Variants in HDLBP observed in about 807,000 individuals in gnomAD.
HDLBP encodes the protein vigilin.
In HDLBP, 30 loss-of-function variants were observed where a neutral mutation model predicts 137.3. The ratio of observed to expected loss-of-function variants is 0.22; its 90% CI spans 0.16 to 0.30. The LOEUF (loss-of-function observed/expected upper bound fraction) is 0.30. Among genes scored for constraint, HDLBP ranks in the 10% least tolerant of loss-of-function variants. The probability of loss-of-function intolerance (pLI) is 1.00; values close to 1 mark genes in which losing one functional copy is unlikely to be tolerated. For missense variants in HDLBP, 1,119 were observed against 1,667.3 expected (o/e 0.67, Z 5.73); for synonymous variants, 606 against 596.0 (o/e 1.02, Z -0.24).
At position 241,233,983 on chromosome 2, in the gene HDLBP, G is replaced by A. The variant is rs73013896; in HGVS notation, c.3145-20C>T. 10,254 of 1,613,786 alleles carry A rather than the reference G, an allele frequency of 6.4e-3. 36 individuals carry two copies. The highest frequency in any genetic ancestry group is 7.8e-3 in the Non-Finnish European group (9,245 of 1,179,698). On this transcript the variant is annotated intron_variant, in intron 23 of 27. Coordinates refer to ENST00000310931, the MANE Select transcript of HDLBP (RefSeq NM_005336.6). This position sits in a 1 kb window ranked among gnomAD's most constrained non-coding sequence, Gnocchi z 4.3. Reference sequence around the variant, plus strand: ...TAAAGCCTACAAATGAAAGGAGCAAGAATGAGGCAAAGATTGAGCTGATCC... The same window carrying A: ...TAAAGCCTACAAATGAAAGGAGCAAAAATGAGGCAAAGATTGAGCTGATCC...
In HDLBP at chr2:241,235,502, C is replaced by T; in HGVS notation, c.2997G>A (p.Met999Ile). The T allele has an allele frequency of 6.2e-7, 1 of 1,613,648 alleles. No homozygotes were observed. Among genetic ancestry groups the T allele is most frequent in the Non-Finnish European group, 8.5e-7 (1 of 1,179,548 alleles). The change falls in exon 22 of 28, where the codon ATG becomes ATA. Residue 999 changes from methionine (M) to isoleucine (I), a missense_variant. By Grantham distance (10) the Met-to-Ile change is conservative. This residue lies in a region of HDLBP where 618 missense variants were observed against 816.7 expected (regional missense o/e 0.76). Transcript: ENST00000310931. ...GAAAGGGGTCTACCTCAAACTCATC[C>T]ATCATCTTGCGGATCCCACTTCCTT... ...GQKGSGIRKM[M>I]DEFEVNIHVP...
intron 1 of HDLBP, among the ~76,000 whole-genome samples, chr2:241,295,619 GAAA>G (rs200718063): frequency 1.3e-5 from 2 of 152,318 alleles, no homozygotes; most frequent in East Asian, 3.8e-4. Context: ...GTGATAGGCT[GAAA>G]AATGGCCACC....
chr2:241,298,232 G>A (rs1328902199), intron 1 of HDLBP, among the ~76,000 whole-genome samples: 1 of 151,958 alleles, frequency 6.6e-6, no homozygotes, highest in African/African-American at 2.4e-5. Context: ...TGGGCGTGGT[G>A]GCGCGTGCCT....
intron 1 of HDLBP, among the ~76,000 whole-genome samples, chr2:241,291,331 C>A (rs1239589268): frequency 1.3e-5 from 2 of 152,112 alleles, no homozygotes; most frequent in Non-Finnish European, 2.9e-5. Context: ...AGGTACAACA[C>A]CCTCCTGTGA....
At chr2:241,247,937 T>C in intron 14 of HDLBP, 66 bp downstream of exon 14, 1 of 1,125,476 alleles carries the variant, frequency 8.9e-7, no homozygotes, top group East Asian at 2.3e-5. Context: ...TCAGGACTTC[T>C]GACAGGACGC....
chr2:241,285,264 CAT>C (rs2074759641), intron 1 of HDLBP, among the ~76,000 whole-genome samples: 1 of 152,336 alleles, frequency 6.6e-6, no homozygotes, highest in Non-Finnish European at 1.5e-5. Flanking sequence ...ACGTAAAACT[CAT>C]GTGATGTGCT....
chr2:241,260,014 T>C (rs1229475038), intron 5 of HDLBP, among the ~76,000 whole-genome samples: 1 of 152,142 alleles, frequency 6.6e-6, no homozygotes, highest in Non-Finnish European at 1.5e-5. Flanking sequence ...TATTTATTTA[T>C]TATTTTGAGA....
rs1037053111 is a variant in HDLBP at position 241,229,444 on chromosome 2, A to G, written c.*157T>C. ...CGGCCAGGCCTGGAGGAGCGGCCGC[A>G]CACACAGCCAGGCGCTAGGCTCCCT... On this transcript the variant is annotated 3_prime_UTR_variant, in exon 28 of 28. Coordinates refer to ENST00000310931, the MANE Select transcript of HDLBP (RefSeq NM_005336.6). 4 of 602,604 alleles carry G rather than the reference A, an allele frequency of 6.6e-6. No homozygotes were observed. The highest frequency in any genetic ancestry group is 3.9e-5 in the South Asian group (2 of 51,190). The allele number at this position is 602,604 out of a possible 1,614,324, so 37.3% of individuals were successfully genotyped here.
intron 21 of HDLBP, chr2:241,236,006 C>T (rs57700042): frequency 1.5e-5 from 3 of 196,068 alleles, no homozygotes; most frequent in South Asian, 2.3e-4. Context: ...CTAATGCCCA[C>T]GAGGTGCCAC....
intron 3 of HDLBP, among the ~76,000 whole-genome samples, chr2:241,266,185 A>ATTCTCTT (rs2073660708): frequency 1.3e-5 from 2 of 152,220 alleles, no homozygotes; most frequent in African/African-American, 4.8e-5. Flanking sequence ...TACACATCAG[A>ATTCTCTT]CTTCGAAGAG....
intron 1 of HDLBP, among the ~76,000 whole-genome samples, chr2:241,308,827 G>A (rs1409058014): frequency 1.3e-5 from 2 of 152,104 alleles, no homozygotes; most frequent in Non-Finnish European, 2.9e-5. Flanking sequence ...TGTGGCCCAT[G>A]GTCACTTCAC....
rs1415786605 is a variant in HDLBP, at chr2:241,230,596, G to T, written c.3474+163C>A. 6.6e-6 allele frequency among the ~76,000 whole-genome samples: 1 copy of T among 152,212 alleles called. No homozygotes were observed. Among genetic ancestry groups the T allele is most frequent in the Non-Finnish European group, 1.5e-5 (1 of 68,038 alleles). On this transcript the variant is annotated intron_variant, in intron 25 of 27. Coordinates refer to ENST00000310931, the MANE Select transcript of HDLBP (RefSeq NM_005336.6). The surrounding 1 kb of genome is among the most constrained non-coding windows in gnomAD (Gnocchi z 5.0). ...GCAGTGCAGCCTCACACAGGCCGTC[G>T]CCTGCACTGACCCGTGGTGTCCATG... is the stretch of plus-strand genomic sequence containing the variant.
At position 241,240,182 on chromosome 2, in the gene HDLBP, A is replaced by C; in HGVS notation, c.2170-60T>G. The stretch of plus-strand genomic sequence containing the variant: ...CCACGTGCCTGGACCACAGTGAGGA[A>C]GACAAGAGGGTCTGTAGGACAGCAA... On this transcript the variant is annotated intron_variant, in intron 17 of 27. Transcript: ENST00000310931. This position sits in a 1 kb window ranked among gnomAD's most constrained non-coding sequence, Gnocchi z 5.5. 6.6e-7 allele frequency: 1 copy of C among 1,526,698 alleles called. No homozygotes were observed. The highest frequency in any genetic ancestry group is 1.1e-5 in the South Asian group (1 of 89,274). The allele number at this position is 1,526,698 out of a possible 1,614,324, so 94.6% of individuals were successfully genotyped here.
chr2:241,265,414 G>A (rs754985938), intron 3 of HDLBP, among the ~76,000 whole-genome samples: 14 of 151,896 alleles, frequency 9.2e-5, no homozygotes, highest in African/African-American at 1.5e-4. Context: ...GCAAAACTCC[G>A]TCTCAAAAAA....
rs1030896938 is a variant in HDLBP at position 241,264,304 on chromosome 2, G to T, written c.234+144C>A. ...GTGAACCCGGGAGGCGGAGCGTGCA[G>T]TGAGCCGAGATCGCACCACTGCACT... On this transcript the variant is annotated intron_variant, in intron 4 of 27. Coordinates refer to ENST00000310931, the MANE Select transcript of HDLBP (RefSeq NM_005336.6). 2.3e-5 allele frequency: 12 copies of T among 512,228 alleles called. No homozygotes were observed. In the African/African-American group the frequency reaches 2.4e-4, roughly 10 times the overall value. The allele number at this position is 512,228 out of a possible 1,614,324, so 31.7% of individuals were successfully genotyped here.
At position 241,238,747 on chromosome 2, in the gene HDLBP, A is replaced by G; in HGVS notation, c.2651T>C (p.Phe884Ser). The G allele has an allele frequency of 6.3e-7, 1 of 1,576,914 alleles. No individual in the cohort carries two copies. The highest frequency in any genetic ancestry group is 8.7e-7 in the Non-Finnish European group (1 of 1,152,906). The stretch of plus-strand genomic sequence containing the variant: ...TTTGGGGCCCATGACAGATCGATGG[A>G]ATTTCTGGGGTATAGCACATTCTAA... The part of the protein sequence containing the change: ...VTLECAIPQK[F>S]HRSVMGPKGS... Residue 884 changes from phenylalanine to serine, a missense_variant, in exon 20 of 28, where the codon TTC (phenylalanine) becomes TCC (serine). Physicochemically the swap from Phe to Ser is radical, Grantham distance 155. Transcript: ENST00000310931. This position sits in a 1 kb window ranked among gnomAD's most constrained non-coding sequence, Gnocchi z 4.9.
At position 241,246,798 on chromosome 2, in the gene HDLBP, T is replaced by C. The variant is rs747546844; in HGVS notation, c.1904A>G (p.Asn635Ser). The C allele has an allele frequency of 1.2e-6, 2 of 1,614,092 alleles. No individual in the cohort carries two copies. The highest frequency in any genetic ancestry group is 8.5e-7 in the Non-Finnish European group (1 of 1,180,020). ...ETIIITGKRA[N>S]CEAARSRILS... ...AATCCTGCTCCGGGCAGCTTCGCAGTTGGCTCGCTTGCCTGTGATGATAAT... is the reference window on the plus strand; with the variant it reads ...AATCCTGCTCCGGGCAGCTTCGCAGCTGGCTCGCTTGCCTGTGATGATAAT... The change falls in exon 16 of 28, where the codon AAC becomes AGC. Residue 635 changes from asparagine (N) to serine (S), a missense_variant. Physicochemically the swap from Asn to Ser is conservative, Grantham distance 46 (BLOSUM62 1). Coordinates refer to ENST00000310931, the MANE Select transcript of HDLBP (RefSeq NM_005336.6).
chr2:241,256,871 C>T (rs375969371), intron 5 of HDLBP, 65 bp from the exon 6 acceptor site: 3 of 1,404,404 alleles, frequency 2.1e-6, no homozygotes, highest in East Asian at 2.3e-5. Flanking sequence ...CATATTTTTC[C>T]AAGACATTCT....
intron 1 of HDLBP, among the ~76,000 whole-genome samples, chr2:241,304,759 G>A (rs1387328729): frequency 6.6e-6 from 1 of 152,152 alleles, no homozygotes; most frequent in Non-Finnish European, 1.5e-5. Flanking sequence ...GTGCTGTGTG[G>A]GCAGGATATC....
Sources: gnomAD v4.1 joint callset for allele counts (sites outside exome capture counted in the v4.1 genomes callset) on GRCh38, gnomAD v4.1.1 for gene constraint, gnomAD v4.1.1 regional missense constraint, Gnocchi (gnomAD v3.1) non-coding constraint, MANE v1.5 for transcripts, NCBI Gene and HGNC (gene_info 2026-07-23, HGNC 2026-07-21) for gene names.